Variants in MVB12B observed in about 807,000 individuals in gnomAD.
MVB12B encodes the protein ESCRT-I complex subunit MVB12B.
Under a neutral mutation model 41.6 loss-of-function variants are expected in MVB12B, and 16 were observed. The ratio of observed to expected loss-of-function variants is 0.38; its 90% CI spans 0.26 to 0.58. The LOEUF is 0.58. MVB12B is among the 20% of genes least tolerant of loss of function. The pLI is 0.62. For synonymous variants in MVB12B, 133 were observed against 139.7 expected, an observed-to-expected ratio of 0.95 and a Z score of 0.34; for missense variants, 274 against 380.2, an observed-to-expected ratio of 0.72 and a Z score of 2.32.
chr9:126,346,369 G>C (rs1449825010), intron 2 of MVB12B, among the ~76,000 whole-genome samples: 1 of 152,156 alleles, frequency 6.6e-6, no homozygotes, highest in Non-Finnish European at 1.5e-5. Context: ...GTTGAATGTT[G>C]GGAGGTGGGG....
chr9:126,338,623 C>G (rs898983112), intron 1 of MVB12B, among the ~76,000 whole-genome samples: 2 of 151,268 alleles, frequency 1.3e-5, no homozygotes, highest in East Asian at 1.9e-4. Flanking sequence ...AAATTCACAG[C>G]GTGATATTTT....
At chr9:126,403,809 A>G (rs10760430) in intron 6 of MVB12B, among the ~76,000 whole-genome samples, 114,623 of 152,024 alleles carry the variant, frequency 0.75, 43,346 homozygotes, top group Admixed American at 0.79. Context: ...GATGCAGAAA[A>G]TGAGTTAGTT....
intron 2 of MVB12B, among the ~76,000 whole-genome samples, chr9:126,349,247 G>A (rs1361977364): frequency 6.6e-6 from 1 of 152,174 alleles, no homozygotes; most frequent in Non-Finnish European, 1.5e-5. Context: ...ATTTAGGGCA[G>A]GGGAATCGTG....
At chr9:126,352,063 A>T (rs1829765384) in intron 2 of MVB12B, among the ~76,000 whole-genome samples, 1 of 152,118 alleles carries the variant, frequency 6.6e-6, no homozygotes, top group South Asian at 2.1e-4. Flanking sequence ...GTCATGGTAT[A>T]TAATTCTTTC....
chr9:126,360,061 G>A (rs556629530), intron 2 of MVB12B, among the ~76,000 whole-genome samples: 2 of 152,214 alleles, frequency 1.3e-5, no homozygotes, highest in African/African-American at 4.8e-5. Flanking sequence ...AGCATTTAAT[G>A]CTATGAATTT....
At chr9:126,338,501 C>A (rs985821610) in intron 1 of MVB12B, among the ~76,000 whole-genome samples, 4 of 152,080 alleles carry the variant, frequency 2.6e-5, no homozygotes, top group Admixed American at 6.5e-5. Flanking sequence ...CATGCTTACC[C>A]CCACTTCTCT....
intron 6 of MVB12B, among the ~76,000 whole-genome samples, chr9:126,405,458 A>G (rs533944990): frequency 6.6e-6 from 1 of 152,270 alleles, no homozygotes; most frequent in East Asian, 1.9e-4. Flanking sequence ...CAGACCATTT[A>G]GAGAAGGATA....
Position 126,340,708 on chromosome 9 carries a change from C to A in MVB12B, c.204+78C>A. The A allele has an allele frequency of 1.3e-6, 2 of 1,529,562 alleles. No individual in the cohort carries two copies. Among genetic ancestry groups the A allele is most frequent in the South Asian group, 1.2e-5 (1 of 85,886 alleles). The allele number at this position is 1,529,562 out of a possible 1,614,324, so 94.7% of individuals were successfully genotyped here. On this transcript the variant is annotated intron_variant, in intron 2 of 9. Coordinates refer to ENST00000361171, the MANE Select transcript of MVB12B (RefSeq NM_033446.3). This position sits in a 1 kb window ranked among gnomAD's most constrained non-coding sequence, Gnocchi z 4.0. The stretch of plus-strand genomic sequence containing the variant: ...ATCTCCTGTGTCCAAGACCTTCTGG[C>A]CCTTGCGTGTAAGATGTGCTTCTTC...
intron 9 of MVB12B, among the ~76,000 whole-genome samples, chr9:126,501,228 G>A (rs1322946938): frequency 1.3e-5 from 2 of 152,246 alleles, no homozygotes; most frequent in African/African-American, 4.8e-5. Flanking sequence ...GCAACCAGAT[G>A]CTCAGTGATC....
At chr9:126,502,312 C>G (rs1833974929) in intron 9 of MVB12B, among the ~76,000 whole-genome samples, 1 of 152,012 alleles carries the variant, frequency 6.6e-6, no homozygotes, top group Admixed American at 6.5e-5. Context: ...GCTCTGCCCA[C>G]ATGCCCTGCC....
At chr9:126,420,991 G>A (rs969065688) in intron 6 of MVB12B, among the ~76,000 whole-genome samples, 3 of 152,170 alleles carry the variant, frequency 2.0e-5, no homozygotes, top group African/African-American at 7.2e-5. Context: ...GTGGCCACAG[G>A]TTAGGCTCCT....
intron 6 of MVB12B, chr9:126,396,397 G>A (rs1831114162): frequency 1.0e-6 from 1 of 985,340 alleles, no homozygotes; most frequent in Non-Finnish European, 1.2e-6. Context: ...CTTGAGAAAG[G>A]GATTGCAAAA....
chr9:126,495,990 C>A (rs957777926), intron 9 of MVB12B, among the ~76,000 whole-genome samples: 2 of 151,864 alleles, frequency 1.3e-5, no homozygotes, highest in Non-Finnish European at 2.9e-5. Context: ...GTTACTGTAC[C>A]ATGGGATGGG....
At chr9:126,388,326 A>G (rs955357184) in intron 4 of MVB12B, among the ~76,000 whole-genome samples, 26 of 152,308 alleles carry the variant, frequency 1.7e-4, no homozygotes, top group African/African-American at 5.5e-4. Context: ...CTCACTTAGC[A>G]TACTGTTTTC....
chr9:126,476,569 A>G (rs1833424546), intron 7 of MVB12B, among the ~76,000 whole-genome samples: 1 of 152,310 alleles, frequency 6.6e-6, no homozygotes. Flanking sequence ...TATACCTTAC[A>G]TATTATATAT....
At chr9:126,465,464 C>T (rs575409403) in intron 7 of MVB12B, among the ~76,000 whole-genome samples, 1 of 152,218 alleles carries the variant, frequency 6.6e-6, no homozygotes, top group South Asian at 2.1e-4. Flanking sequence ...ACTGATCTAG[C>T]CCAACCCTTT....
intron 1 of MVB12B, among the ~76,000 whole-genome samples, chr9:126,329,330 C>T (rs1588075516): frequency 6.6e-6 from 1 of 152,334 alleles, no homozygotes; most frequent in East Asian, 1.9e-4. Flanking sequence ...CTGCACTTGG[C>T]ACTGCAGGAG....
intron 6 of MVB12B, among the ~76,000 whole-genome samples, chr9:126,407,438 T>C (rs183218169): frequency 1.3e-5 from 2 of 152,196 alleles, no homozygotes; most frequent in Non-Finnish European, 2.9e-5. Context: ...ACACGTTCAC[T>C]CTTCATACTT....
Position 126,335,146 on chromosome 9 carries a change from C to G in MVB12B, c.82-5362C>G, listed in dbSNP as rs988426449. ...TTAGAAAAATATTTGCCTTAGTTGC[C>G]CAACAACTTAGCAGCCCTCCTAGCA... is the stretch of plus-strand genomic sequence containing the variant. On this transcript the variant is annotated intron_variant, in intron 1 of 9. Transcript: ENST00000361171. The G allele has an allele frequency of 1.9e-5, 18 of 958,022 alleles. No individual in the cohort carries two copies. In the African/African-American group the frequency reaches 3.1e-4, roughly 16 times the overall value. The allele number at this position is 958,022 out of a possible 1,614,324, so 59.3% of individuals were successfully genotyped here. A position where few individuals can be genotyped will look rare whatever the true frequency, so the allele number is the denominator to read the frequency against.
Sources: allele counts gnomAD v4.1 joint callset (sites outside exome capture counted in the v4.1 genomes callset), GRCh38; gene constraint gnomAD v4.1.1; non-coding constraint Gnocchi (gnomAD v3.1); transcripts MANE v1.5; gene names NCBI Gene and HGNC (gene_info 2026-07-23, HGNC 2026-07-21).